ZNF133: variants seen among roughly 807,000 people sequenced by gnomAD.
ZNF133 encodes zinc finger protein 133, also known as zinc finger protein 133 (clone pHZ-13).
In ZNF133, 26 loss-of-function variants were observed where a neutral mutation model predicts 54.9. That is an observed-to-expected ratio of 0.47 (90% CI 0.35 to 0.66). ZNF133 has a LOEUF of 0.66. Ranked by LOEUF, ZNF133 falls within the 30% of genes least tolerant of loss-of-function variation. The probability of loss-of-function intolerance (pLI) is 0.01; values close to 1 mark genes in which losing one functional copy is unlikely to be tolerated. For missense variants in ZNF133, 653 were observed against 820.8 expected (o/e 0.80, Z 2.50); for synonymous variants, 298 against 320.3 (o/e 0.93, Z 0.74).
chr20:18,290,356 C>T (rs2040670361), intron 1 of ZNF133, among the ~76,000 whole-genome samples: 1 of 152,168 alleles, frequency 6.6e-6, no homozygotes, highest in African/African-American at 2.4e-5. Flanking sequence ...TGTTAACATT[C>T]TGTTCTTCTG....
intron 1 of ZNF133, among the ~76,000 whole-genome samples, chr20:18,296,733 G>A (rs4814716): frequency 0.31 from 47,549 of 152,134 alleles, 8,958 homozygotes; most frequent in East Asian, 0.64. Context: ...GAACATGAGC[G>A]CACAAGTATC....
At position 18,316,904 on chromosome 20, in the gene ZNF133, GGACATTT is replaced by G; in HGVS notation, c.*92_*98del. Reference sequence around the variant, plus strand: ...GAAATGCATTCTGTAAGTGGTCAAAGGACATTTGACTGTTTACTTTCTCCACACTAAG... The same window carrying G: ...GAAATGCATTCTGTAAGTGGTCAAAGGACTGTTTACTTTCTCCACACTAAG... On this transcript the variant is annotated 3_prime_UTR_variant, in exon 7 of 7. Transcript: ENST00000425686. 1 of 1,438,468 alleles carries G rather than the reference GGACATTT, an allele frequency of 7.0e-7. No homozygotes were observed. The highest frequency in any genetic ancestry group is 9.3e-7 in the Non-Finnish European group (1 of 1,077,548). The allele number at this position is 1,438,468 out of a possible 1,614,324, so 89.1% of individuals were successfully genotyped here.
chr20:18,309,252 G>A (rs1228630207), intron 6 of ZNF133, among the ~76,000 whole-genome samples: 2 of 152,144 alleles, frequency 1.3e-5, no homozygotes, highest in African/African-American at 4.8e-5. Context: ...AGAATTTGGG[G>A]GAAACACAAC....
At chr20:18,313,385 C>T (rs760378242) in intron 6 of ZNF133, 3 of 152,218 alleles carry the variant, frequency 2.0e-5, no homozygotes, top group Non-Finnish European at 4.4e-5. Flanking sequence ...GGCACAGCAG[C>T]TAGGGCTGTA....
In ZNF133 at chr20:18,316,560, G is replaced by A. The variant is rs779344148; in HGVS notation, c.1709G>A (p.Arg570Gln). Residue 570 changes from arginine to glutamine, a missense_variant, in exon 7 of 7, where the codon CGG becomes CAG. By Grantham distance (43) the Arg-to-Gln change is conservative (BLOSUM62 1). Around this residue, in one of 4 missense-constraint regions of ZNF133, gnomAD observed 129 missense variants for 138.5 expected, o/e 0.93. Coordinates refer to ENST00000425686, the MANE Select transcript of ZNF133 (RefSeq NM_001352452.2). ...AAGTCAGCTCTAATTACACACAAGC[G>A]GGCTCACTCGGAAGAGAAGCCTTGT... ...GNKSALITHK[R>Q]AHSEEKPCVC... The A allele has an allele frequency of 1.1e-5, 17 of 1,613,970 alleles. No individual in the cohort carries two copies. Among genetic ancestry groups the A allele is most frequent in the East Asian group, 2.2e-5 (1 of 44,862 alleles).
At chr20:18,299,231 T>C (rs1001562065) in intron 3 of ZNF133, among the ~76,000 whole-genome samples, 9 of 152,198 alleles carry the variant, frequency 5.9e-5, no homozygotes, top group Admixed American at 5.9e-4. Context: ...AAGAACAACA[T>C]GGAAATATCA....
At chr20:18,308,729 T>C (rs1288337840) in intron 6 of ZNF133, among the ~76,000 whole-genome samples, 1 of 152,230 alleles carries the variant, frequency 6.6e-6, no homozygotes, top group African/African-American at 2.4e-5. Context: ...TAGCTGGTGT[T>C]GCATTTGCTG....
rs754357306 is a variant in ZNF133, at chr20:18,306,289, T to G, written c.122-9T>G. On this transcript the variant is annotated splice_polypyrimidine_tract_variant and intron_variant, in intron 5 of 6. Transcript: ENST00000425686. ...AACCTAGTTACTTATTTTCTTTTCC[T>G]GTGAGCAGGAATTTCATTTTCTAAA... 2.5e-6 allele frequency: 4 copies of G among 1,611,854 alleles called. No homozygotes were observed. In the South Asian group the frequency reaches 4.4e-5, roughly 18 times the overall value.
intron 6 of ZNF133, chr20:18,313,462 T>C (rs2046580120): frequency 6.6e-6 from 1 of 152,202 alleles, no homozygotes; most frequent in African/African-American, 2.4e-5. Flanking sequence ...TGTGTCAAAA[T>C]TATAGTCACT....
chr20:18,305,783 A>G lies in ZNF133; in HGVS notation c.97A>G (p.Asn33Asp). 6.2e-7 allele frequency: 1 copy of G among 1,613,792 alleles called. No homozygotes were observed. The highest frequency in any genetic ancestry group is 8.5e-7 in the Non-Finnish European group (1 of 1,179,824). The change falls in exon 5 of 7, where the codon AAC (asparagine) becomes GAC (aspartate). Residue 33 changes from asparagine (N) to aspartate (D), a missense_variant. Coordinates refer to ENST00000425686, the MANE Select transcript of ZNF133 (RefSeq NM_001352452.2). This position sits in a 1 kb window ranked among gnomAD's most constrained non-coding sequence, Gnocchi z 4.7. Reference sequence around the variant, plus strand: ...TCTGTACAGAGAGGTGATGCTGGAGAACTACAGCAACCTGGTCTCACTGGG... The same window carrying G: ...TCTGTACAGAGAGGTGATGCTGGAGGACTACAGCAACCTGGTCTCACTGGG... Reference protein sequence around the residue: ...RTLYREVMLENYSNLVSLGIS... With the variant: ...RTLYREVMLEDYSNLVSLGIS...
chr20:18,312,965 C>T (rs2046435178), intron 6 of ZNF133: 1 of 25,070 alleles, frequency 4.0e-5, no homozygotes, highest in Admixed American at 5.7e-4. Context: ...TCGACTCAGC[C>T]TCCCAAAGTG....
chr20:18,295,595 G>A (rs948197393), intron 1 of ZNF133: 3 of 152,076 alleles, frequency 2.0e-5, no homozygotes, highest in Non-Finnish European at 4.4e-5. Context: ...ATTAATTCCT[G>A]TCTTTGTGCT....
rs554278796 is a variant in ZNF133, at chr20:18,315,345, C to G, written c.494C>G (p.Ala165Gly). The G allele has an allele frequency of 1.9e-6, 3 of 1,614,056 alleles. No individual in the cohort carries two copies. The South Asian group carries it at 3.3e-5, about 18-fold the overall frequency. Reference sequence around the variant, plus strand: ...AGAACCAAGAAAAGGACTCTGGGAGCGTTCTCCAGGCCACCCCAGAGGCAG... The same window carrying G: ...AGAACCAAGAAAAGGACTCTGGGAGGGTTCTCCAGGCCACCCCAGAGGCAG... ...FGRTKKRTLG[A>G]FSRPPQRQPV... Residue 165 changes from alanine to glycine, a missense_variant, in exon 7 of 7, where the codon GCG becomes GGG. By Grantham distance (60) the Ala-to-Gly change is moderately conservative. Transcript: ENST00000425686.
In ZNF133 at chr20:18,305,674, G is replaced by A. The variant is rs770767083; in HGVS notation, c.-6-7G>A. On this transcript the variant is annotated splice_polypyrimidine_tract_variant and splice_region_variant and intron_variant, in intron 4 of 6. Transcript: ENST00000425686. The surrounding 1 kb of genome is among the most constrained non-coding windows in gnomAD (Gnocchi z 4.7). ...CTGAGTGAGCAGGGCTCAGTTTTGT[G>A]TTACAGGCACACATGGCATTCAGGG... 1 of 1,614,022 alleles carries A rather than the reference G, an allele frequency of 6.2e-7. No individual in the cohort carries two copies. The highest frequency in any genetic ancestry group is 1.1e-5 in the South Asian group (1 of 91,086).
Position 18,306,275 on chromosome 20 carries a change from T to G in ZNF133, c.122-23T>G, listed in dbSNP as rs1389850958. On this transcript the variant is annotated intron_variant, in intron 5 of 6. Coordinates refer to ENST00000425686, the MANE Select transcript of ZNF133 (RefSeq NM_001352452.2). Reference sequence around the variant, plus strand: ...GCTCTTGAGCCCATAACCTAGTTACTTATTTTCTTTTCCTGTGAGCAGGAA... The same window carrying G: ...GCTCTTGAGCCCATAACCTAGTTACGTATTTTCTTTTCCTGTGAGCAGGAA... The G allele has an allele frequency of 2.5e-6, 4 of 1,605,870 alleles. No homozygotes were observed. The Admixed American group carries it at 6.8e-5, about 27-fold the overall frequency.
chr20:18,290,687 G>A (rs974615376), intron 1 of ZNF133, among the ~76,000 whole-genome samples: 3 of 152,036 alleles, frequency 2.0e-5, no homozygotes, highest in Admixed American at 6.5e-5. Context: ...TCTGGAAACA[G>A]CATCCCAGTT....
chr20:18,289,857 G>A (rs1433259786), intron 1 of ZNF133: 1 of 152,222 alleles, frequency 6.6e-6, no homozygotes, highest in African/African-American at 2.4e-5. Flanking sequence ...TGTGTTCCCA[G>A]GAAGCTGCCC....
chr20:18,298,895 G>A (rs1360015923), intron 3 of ZNF133, among the ~76,000 whole-genome samples: 1 of 152,098 alleles, frequency 6.6e-6, no homozygotes, highest in Non-Finnish European at 1.5e-5. Flanking sequence ...AAACACCTGA[G>A]AAGACCTTAA....
chr20:18,304,822 T>G (rs533811989), intron 3 of ZNF133, among the ~76,000 whole-genome samples, 186 bp from the exon 4 acceptor site: 12 of 152,228 alleles, frequency 7.9e-5, no homozygotes, highest in African/African-American at 2.9e-4. Context: ...CTTTTATTCC[T>G]CCTAGGGGGC....
Sources: gnomAD v4.1 joint callset for allele counts (sites outside exome capture counted in the v4.1 genomes callset) on GRCh38, gnomAD v4.1.1 for gene constraint, gnomAD v4.1.1 regional missense constraint, Gnocchi (gnomAD v3.1) non-coding constraint, MANE v1.5 for transcripts, NCBI Gene and HGNC (gene_info 2026-07-23, HGNC 2026-07-21) for gene names.